GGH: variants seen among roughly 807,000 people sequenced by gnomAD.
GGH encodes the protein gamma-glutamyl hydrolase.
GGH carries 18 observed loss-of-function variants against 39.2 expected under a neutral mutation model. The observed-to-expected ratio is 0.46, with a 90% CI of 0.32 to 0.68. The LOEUF is 0.68. GGH is among the 30% of genes least tolerant of loss of function. The pLI, the probability that GGH is intolerant of heterozygous loss-of-function variation, is 0.04. For synonymous variants in GGH, 147 were observed against 138.8 expected (o/e 1.06, Z -0.42); for missense variants, 367 against 384.1 (o/e 0.96, Z 0.37).
rs1454624134 is a variant in GGH, at chr8:63,038,676, G to A, written c.93C>T (p.Ala31=). The A allele has an allele frequency of 5.9e-6, 9 of 1,537,252 alleles. No individual in the cohort carries two copies. The highest frequency in any genetic ancestry group is 7.1e-6 in the Non-Finnish European group (8 of 1,133,682). The stretch of plus-strand genomic sequence containing the variant: ...CCTCCTTACCGATGATGGGCTTCTT[G>A]GCGGTGTCGCCGTGGGGTCTAGACA... ...LELSRPHGDT[A]KKPIIGILMQ... is the part of the protein sequence containing the mutation. Residue 31 remains alanine (A), a synonymous_variant, in exon 1 of 9, where the codon GCC becomes GCT. Transcript: ENST00000260118.
chr8:63,022,464 A>G (rs1804606808), intron 7 of GGH, among the ~76,000 whole-genome samples: 1 of 151,826 alleles, frequency 6.6e-6, no homozygotes, highest in South Asian at 2.1e-4. Context: ...TTTCCTTCAC[A>G]TCTATCTTCT....
intron 8 of GGH, among the ~76,000 whole-genome samples, chr8:63,015,879 A>C (rs1239017338): frequency 6.6e-6 from 1 of 152,212 alleles, no homozygotes; most frequent in Non-Finnish European, 1.5e-5. Context: ...AAATATAAAC[A>C]GAACAGGTCC....
chr8:63,016,892 T>A (rs1804495996), intron 8 of GGH, among the ~76,000 whole-genome samples: 1 of 152,202 alleles, frequency 6.6e-6, no homozygotes, highest in East Asian at 1.9e-4. Context: ...GAGGTAGCCT[T>A]AAAATCACAA....
At chr8:63,024,023 G>T (rs370595631) in intron 6 of GGH, 26 bp from the exon 7 acceptor site, 1 of 1,548,354 alleles carries the variant, frequency 6.5e-7, no homozygotes, top group African/African-American at 1.4e-5. Flanking sequence ...AAAACAAAAT[G>T]ATTACTTCTG....
At position 63,035,750 on chromosome 8, in the gene GGH, G is replaced by A. The variant is rs138112128; in HGVS notation, c.130C>T (p.Arg44Cys). The change falls in exon 2 of 9, where the codon CGT becomes TGT. Residue 44 changes from arginine to cysteine, a missense_variant. Coordinates refer to ENST00000260118, the MANE Select transcript of GGH (RefSeq NM_003878.3). ...CCATAGTTTTTCATGACTTTATTAC[G>A]GCATTTTTGCATTAATATTCCTAAT... ...PIIGILMQKC[R>C]NKVMKNYGRY... is the part of the protein sequence containing the mutation. 1.2e-5 allele frequency: 20 copies of A among 1,611,530 alleles called. No individual in the cohort carries two copies. The highest frequency in any genetic ancestry group is 9.4e-5 in the African/African-American group (7 of 74,632).
intron 2 of GGH, among the ~76,000 whole-genome samples, chr8:63,032,021 A>G (rs79713082): frequency 2.0e-5 from 3 of 152,170 alleles, no homozygotes; most frequent in South Asian, 2.1e-4. Context: ...AGACTCTTAT[A>G]AAGTTTGATT....
Position 63,035,778 on chromosome 8 carries a change from C to T in GGH, c.110-8G>A, listed in dbSNP as rs994062069. 1 of 1,595,476 alleles carries T rather than the reference C, an allele frequency of 6.3e-7. No individual in the cohort carries two copies. Among genetic ancestry groups the T allele is most frequent in the East Asian group, 2.2e-5 (1 of 44,732 alleles). Reference sequence around the variant, plus strand: ...ATTTTTGCATTAATATTCCTAATAACAAAAAAAAGTTTAGTTTCAAGCAAA... The same window carrying T: ...ATTTTTGCATTAATATTCCTAATAATAAAAAAAAGTTTAGTTTCAAGCAAA... On this transcript the variant is annotated splice_region_variant and splice_polypyrimidine_tract_variant and intron_variant, in intron 1 of 8. Coordinates refer to ENST00000260118, the MANE Select transcript of GGH (RefSeq NM_003878.3).
intron 8 of GGH, among the ~76,000 whole-genome samples, chr8:63,015,746 G>A (rs770012591): frequency 5.9e-5 from 9 of 151,972 alleles, no homozygotes; most frequent in African/African-American, 1.2e-4. Context: ...GCACAGTCGC[G>A]CATGGCCACA....
chr8:63,024,519 T>C (rs573033637), intron 5 of GGH: 1 of 195,240 alleles, frequency 5.1e-6, no homozygotes, highest in Non-Finnish European at 1.0e-5. Flanking sequence ...GTTAAAACTT[T>C]CCATGGGTGT....
chr8:63,032,398 T>C (rs562549424), intron 2 of GGH, among the ~76,000 whole-genome samples: 117 of 152,274 alleles, frequency 7.7e-4, no homozygotes, highest in Non-Finnish European at 1.3e-3. Flanking sequence ...CAGCAGTCCA[T>C]GGGCTCCTGT....
chr8:63,019,968 T>G (rs1486089556), intron 7 of GGH, among the ~76,000 whole-genome samples: 1 of 152,252 alleles, frequency 6.6e-6, no homozygotes, highest in Non-Finnish European at 1.5e-5. Flanking sequence ...TCTTTAGGGA[T>G]GAACTAAAAG....
At position 63,015,235 on chromosome 8, in the gene GGH, A is replaced by C. The variant is rs528440594; in HGVS notation, c.*97T>G. The C allele has an allele frequency of 6.4e-6, 4 of 621,944 alleles. No individual in the cohort carries two copies. The highest frequency in any genetic ancestry group is 5.5e-5 in the East Asian group (2 of 36,228). 38.5% of individuals were successfully genotyped at this position (621,944 alleles called of 1,614,324 possible). ...CAGAGCCAGGCACATTATAGAAAAG[A>C]ATCTGTGACTTCCTAATCTTGCCAT... On this transcript the variant is annotated 3_prime_UTR_variant, in exon 9 of 9. Transcript: ENST00000260118.
At chr8:63,022,699 T>G (rs1208443227) in intron 7 of GGH, among the ~76,000 whole-genome samples, 1 of 151,858 alleles carries the variant, frequency 6.6e-6, no homozygotes, top group Non-Finnish European at 1.5e-5. Flanking sequence ...TTTCTTTTTT[T>G]GTATTTTCAG....
At chr8:63,026,001 C>T (rs974983348) in intron 5 of GGH, among the ~76,000 whole-genome samples, 157 bp downstream of exon 5, 1 of 152,192 alleles carries the variant, frequency 6.6e-6, no homozygotes, top group African/African-American at 2.4e-5. Context: ...ACATCTTCAA[C>T]CTGTGTAAAT....
At chr8:63,022,284 A>AT (rs1166739018) in intron 7 of GGH, among the ~76,000 whole-genome samples, 5 of 150,124 alleles carry the variant, frequency 3.3e-5, no homozygotes, top group Admixed American at 6.6e-5. Context: ...CCACCTGAAA[A>AT]TTTTTTTTTT....
chr8:63,026,138 G>A lies in GGH; in HGVS notation c.499+20C>T, dbSNP rs760068552. 6.4e-7 allele frequency: 1 copy of A among 1,555,726 alleles called. No individual in the cohort carries two copies. Among genetic ancestry groups the A allele is most frequent in the East Asian group, 2.4e-5 (1 of 42,228 alleles). On this transcript the variant is annotated intron_variant, in intron 5 of 8. Transcript: ENST00000260118. ...CTGCCCAGCAAATATTTTTCAAAGG[G>A]TTGAAAAGAGTACTCTTACCTCCAG... is the stretch of plus-strand genomic sequence containing the variant.
At chr8:63,029,905 C>T in intron 3 of GGH, 1 of 278,976 alleles carries the variant, frequency 3.6e-6, no homozygotes, top group Non-Finnish European at 6.6e-6. Flanking sequence ...ATTAAAAGAA[C>T]AAAGATTAAG....
intron 7 of GGH, among the ~76,000 whole-genome samples, chr8:63,021,128 A>T (rs190359659): frequency 4.9e-4 from 75 of 152,234 alleles, no homozygotes; most frequent in African/African-American, 1.7e-3. Context: ...GCCAAATTTT[A>T]ATCATCATAT....
chr8:63,035,620 A>T, intron 2 of GGH, 36 bp downstream of exon 2: 1 of 1,565,328 alleles, frequency 6.4e-7, no homozygotes, highest in South Asian at 1.2e-5. Flanking sequence ...AATTTTTTAT[A>T]CAGAGTAAAA....
Sources: allele counts gnomAD v4.1 joint callset (sites outside exome capture counted in the v4.1 genomes callset), GRCh38; gene constraint gnomAD v4.1.1; transcripts MANE v1.5; gene names NCBI Gene and HGNC (gene_info 2026-07-23, HGNC 2026-07-21).